The following LRRC9 variants were observed in gnomAD, a reference collection of about 807,000 sequenced individuals.
LRRC9 encodes the protein leucine rich repeat containing 9, also known as leucine-rich repeat-containing protein 9.
Under a neutral mutation model 63.2 loss-of-function variants are expected in LRRC9, and 122 were observed. The observed-to-expected ratio is 1.93, with a 90% CI of 1.67 to 2.24. LRRC9 has a LOEUF of 2.24. LRRC9 is among the 30% of genes most tolerant of loss of function. LRRC9 has a pLI of 0.00. For synonymous variants in LRRC9, 366 were observed against 213.1 expected, an observed-to-expected ratio of 1.72 and a Z score of -6.25; for missense variants, 1,071 against 627.7, an observed-to-expected ratio of 1.71 and a Z score of -7.55.
chr14:60,045,911 T>C (rs542016492), intron 29 of LRRC9, among the ~76,000 whole-genome samples: 2 of 152,314 alleles, frequency 1.3e-5, no homozygotes, highest in Admixed American at 1.3e-4. Flanking sequence ...AGCTTTTTTT[T>C]CTCTGCAATC....
chr14:60,025,900 T>C (rs1040611432), intron 27 of LRRC9, among the ~76,000 whole-genome samples: 12 of 152,084 alleles, frequency 7.9e-5, no homozygotes, highest in Admixed American at 7.9e-4. Context: ...GAATAAATAT[T>C]AGGACTTAGT....
intron 15 of LRRC9, among the ~76,000 whole-genome samples, chr14:59,980,413 G>C (rs1043277229): frequency 1.3e-5 from 2 of 152,096 alleles, no homozygotes; most frequent in African/African-American, 4.8e-5. Flanking sequence ...CTTGATGTGT[G>C]ATAGGGCAAA....
chr14:60,001,367 C>T (rs1045093951), intron 19 of LRRC9, among the ~76,000 whole-genome samples: 1 of 152,000 alleles, frequency 6.6e-6, no homozygotes. Flanking sequence ...ACAGGAGAGT[C>T]ATTAAGGGAA....
chr14:59,988,805 A>C (rs897578836), intron 17 of LRRC9, among the ~76,000 whole-genome samples: 3 of 151,996 alleles, frequency 2.0e-5, no homozygotes, highest in African/African-American at 7.2e-5. Context: ...AAACATTTTG[A>C]TTGTCTGAAA....
At chr14:60,018,417 G>T (rs1321814658) in exon 25 of LRRC9, 1 of 700,562 alleles carries the variant, frequency 1.4e-6, no homozygotes, top group South Asian at 1.5e-5. Context: ...TGTGTGTAAT[G>T]TGAATCTACA....
At chr14:59,945,228 T>G (rs1882234427) in intron 8 of LRRC9, among the ~76,000 whole-genome samples, 1 of 151,934 alleles carries the variant, frequency 6.6e-6, no homozygotes, top group African/African-American at 2.4e-5. Flanking sequence ...GTTAGTAGTA[T>G]GTATGCATTT....
At chr14:60,047,914 G>A (rs1192757738) in intron 29 of LRRC9, among the ~76,000 whole-genome samples, 6 of 152,066 alleles carry the variant, frequency 3.9e-5, no homozygotes, top group African/African-American at 1.2e-4. Flanking sequence ...CTCAGCAAAC[G>A]CAAAAGGACT....
chr14:59,955,834 G>A (rs899729193), intron 8 of LRRC9, among the ~76,000 whole-genome samples: 6 of 152,200 alleles, frequency 3.9e-5, no homozygotes, highest in South Asian at 2.1e-4. Context: ...ATTCTGGTAC[G>A]TTGTCTCTTT....
At chr14:60,046,918 T>C (rs1479963569) in intron 29 of LRRC9, among the ~76,000 whole-genome samples, 1 of 152,242 alleles carries the variant, frequency 6.6e-6, no homozygotes, top group Non-Finnish European at 1.5e-5. Context: ...TTTGTTTGTG[T>C]CCTCTCTGAT....
In LRRC9 at chr14:59,958,578, C is replaced by T. The variant is rs189990038; in HGVS notation, c.883-1240C>T. 7.5e-4 allele frequency among the ~76,000 whole-genome samples: 114 copies of T among 152,298 alleles called. No individual in the cohort carries two copies. The highest frequency in any genetic ancestry group is 2.1e-3 in the South Asian group (10 of 4,822). On this transcript the variant is annotated intron_variant, in intron 8 of 31. Coordinates refer to ENST00000445360, the Ensembl canonical transcript of LRRC9. The surrounding 1 kb of genome is among the most constrained non-coding windows in gnomAD (Gnocchi z 4.0). Reference sequence around the variant, plus strand: ...TGCTGGGCTCTGTGGGAGTGGGACCCGCTGAGCAAGACCACTTGGCTCCCT... The same window carrying T: ...TGCTGGGCTCTGTGGGAGTGGGACCTGCTGAGCAAGACCACTTGGCTCCCT...
At position 59,938,912 on chromosome 14, in the gene LRRC9, C is replaced by T. The variant is rs1881356308; in HGVS notation, c.726+340C>T. Among the ~76,000 whole-genome samples the T allele has an allele frequency of 8.6e-6, 1 of 116,390 alleles. No homozygotes were observed. The highest frequency in any genetic ancestry group is 3.1e-4 in the South Asian group (1 of 3,252). The allele number at this position is 116,390 out of a possible 152,430, so 76.4% of individuals were successfully genotyped here. On this transcript the variant is annotated intron_variant, in intron 7 of 31. Transcript: ENST00000445360. The surrounding 1 kb of genome is among the most constrained non-coding windows in gnomAD (Gnocchi z 4.2). ...ATATACACATATATATACATATATA[C>T]ACATATGCATATATATACACATATA... is the stretch of plus-strand genomic sequence containing the variant.
intron 22 of LRRC9, among the ~76,000 whole-genome samples, chr14:60,007,116 T>C (rs1488430671): frequency 6.6e-6 from 1 of 152,226 alleles, no homozygotes. Context: ...TAAAGCTCAG[T>C]GGCCATTTTC....
At chr14:59,944,467 G>T in intron 7 of LRRC9, 122 bp from the exon 8 acceptor site, 1 of 411,602 alleles carries the variant, frequency 2.4e-6, no homozygotes. Context: ...ATCATTATTA[G>T]TAACTAAGCA....
At chr14:60,050,254 C>G (rs1306082899) in intron 29 of LRRC9, among the ~76,000 whole-genome samples, 1 of 152,128 alleles carries the variant, frequency 6.6e-6, no homozygotes, top group Admixed American at 6.6e-5. Flanking sequence ...TCTTGGCCTC[C>G]CAAAGTGCTG....
intron 29 of LRRC9, among the ~76,000 whole-genome samples, chr14:60,037,484 T>G (rs1386371483): frequency 6.6e-6 from 1 of 152,228 alleles, no homozygotes; most frequent in Non-Finnish European, 1.5e-5. Flanking sequence ...GGTATCTCAT[T>G]GTGGTTTTGA....
At chr14:60,062,140 C>T (rs1365368935) in intron 31 of LRRC9, 2 of 398,766 alleles carry the variant, frequency 5.0e-6, no homozygotes, top group Non-Finnish European at 8.9e-6. Flanking sequence ...ATTGCATCTC[C>T]TACTGCACAA....
intron 26 of LRRC9, among the ~76,000 whole-genome samples, chr14:60,020,678 G>C (rs1891051970): frequency 6.6e-6 from 1 of 151,802 alleles, no homozygotes; most frequent in African/African-American, 2.4e-5. Flanking sequence ...CTGTTTTCTA[G>C]AATTGTATTT....
In LRRC9 at chr14:59,964,996, C is replaced by T. The variant is rs541214944; in HGVS notation, c.1212-1593C>T. On this transcript the variant is annotated intron_variant, in intron 10 of 31. Transcript: ENST00000445360. This position sits in a 1 kb window ranked among gnomAD's most constrained non-coding sequence, Gnocchi z 4.4. ...TTAGGCTCAAGGAGAGACTACCCAT[C>T]AGGAAGCTCACCTCTGTGACCTTAG... Among the ~76,000 whole-genome samples the T allele has an allele frequency of 5.9e-5, 9 of 152,314 alleles. No homozygotes were observed. Among genetic ancestry groups the T allele is most frequent in the African/African-American group, 2.2e-4 (9 of 41,580 alleles).
In LRRC9 at chr14:60,053,045, T is replaced by G. The variant is rs1894007772; in HGVS notation, c.3991-20T>G. 6 of 688,322 alleles carry G rather than the reference T, an allele frequency of 8.7e-6. No homozygotes were observed. Among genetic ancestry groups the G allele is most frequent in the South Asian group, 7.7e-5 (5 of 64,922 alleles). 42.6% of individuals were successfully genotyped at this position (688,322 alleles called of 1,614,324 possible). Reference sequence around the variant, plus strand: ...ATAAAAGTTTTGTAGGAATAAATTGTTATTTTTAACTTTATTCAGATTTGT... The same window carrying G: ...ATAAAAGTTTTGTAGGAATAAATTGGTATTTTTAACTTTATTCAGATTTGT... On this transcript the variant is annotated intron_variant, in intron 29 of 31. Transcript: ENST00000445360. The surrounding 1 kb of genome is among the most constrained non-coding windows in gnomAD (Gnocchi z 4.8).
Sources: gnomAD v4.1 joint callset for allele counts (sites outside exome capture counted in the v4.1 genomes callset) on GRCh38, gnomAD v4.1.1 for gene constraint, Gnocchi (gnomAD v3.1) non-coding constraint, MANE v1.5 for transcripts, NCBI Gene and HGNC (gene_info 2026-07-23, HGNC 2026-07-21) for gene names.